The following BRD8 variants were observed in gnomAD, a reference collection of about 807,000 sequenced individuals.
BRD8 encodes the protein bromodomain-containing protein 8.
BRD8 carries 67 observed loss-of-function variants against 143.1 expected under a neutral mutation model. The observed-to-expected ratio is 0.47, with a 90% CI of 0.38 to 0.57. BRD8 has a LOEUF of 0.57. Among genes scored for constraint, BRD8 ranks in the 20% least tolerant of loss-of-function variants. The pLI is 0.00. For missense variants in BRD8, 1,103 were observed against 1,503.0 expected (o/e 0.73, Z 4.40); for synonymous variants, 505 against 517.1 (o/e 0.98, Z 0.32).
At position 138,171,409 on chromosome 5, in the gene BRD8, T is replaced by G; in HGVS notation, c.188A>C (p.His63Pro). 1 of 1,487,190 alleles carries G rather than the reference T, an allele frequency of 6.7e-7. No individual in the cohort carries two copies. The highest frequency in any genetic ancestry group is 8.9e-7 in the Non-Finnish European group (1 of 1,124,316). The allele number at this position is 1,487,190 out of a possible 1,614,324, so 92.1% of individuals were successfully genotyped here. A position where few individuals can be genotyped will look rare whatever the true frequency, so the allele number is the denominator to read the frequency against. The part of the protein sequence containing the change: ...GRPPDWFSQK[H>P]CASQYSELLE... ...AAGCTCCGAGTACTGGGAAGCACAA[T>G]GCTATTAAAAAAAAAAAAAAAAGTG... is the stretch of plus-strand genomic sequence containing the variant. The change falls in exon 4 of 27, where the codon CAT becomes CCT. Residue 63 changes from histidine to proline, a missense_variant and splice_region_variant. Around this residue, in one of 7 missense-constraint regions of BRD8, gnomAD observed 69 missense variants for 121.6 expected, o/e 0.57. Transcript: ENST00000254900.
rs1377968789 is a variant in BRD8, at chr5:138,169,215, T to C, written c.642+7A>G. 6.2e-7 allele frequency: 1 copy of C among 1,612,926 alleles called. No individual in the cohort carries two copies. The highest frequency in any genetic ancestry group is 2.2e-5 in the East Asian group (1 of 44,886). ...TGATCAATTCCCACAGATGGAAATA[T>C]ACTCACCCCAGAGGTAGCCTCTTCC... On this transcript the variant is annotated splice_region_variant and intron_variant, in intron 8 of 26. Transcript: ENST00000254900.
At position 138,170,516 on chromosome 5, in the gene BRD8, G is replaced by A. The variant is rs765143443; in HGVS notation, c.441-107C>T. 3.4e-6 allele frequency: 4 copies of A among 1,184,894 alleles called. No individual in the cohort carries two copies. In the East Asian group the frequency reaches 7.0e-5, roughly 21 times the overall value. The allele number at this position is 1,184,894 out of a possible 1,614,324, so 73.4% of individuals were successfully genotyped here. On this transcript the variant is annotated intron_variant, in intron 6 of 26. Transcript: ENST00000254900. ...TTTGCCAGGCCAGCACTTTCTGGAA[G>A]AAAGGCCTAAACAGGAATTCTAACC...
rs545323587 is a variant in BRD8 at position 138,175,136 on chromosome 5, G to A, written c.116+2435C>T. ...CCTGACCTTGTGATCCGCCCACCTC[G>A]GCCTCCCAAAGTGCTGGGATTACAG... On this transcript the variant is annotated intron_variant, in intron 2 of 26. Coordinates refer to ENST00000254900, the MANE Select transcript of BRD8 (RefSeq NM_139199.2). Among the ~76,000 whole-genome samples the A allele has an allele frequency of 8.9e-4, 135 of 152,112 alleles. 1 individual carries two copies. The highest frequency in any genetic ancestry group is 4.3e-3 in the East Asian group (22 of 5,158).
chr5:138,144,000 C>T (rs1169461958), intron 25 of BRD8, among the ~76,000 whole-genome samples: 1 of 152,214 alleles, frequency 6.6e-6, no homozygotes, highest in African/African-American at 2.4e-5. Flanking sequence ...AATCTTGCTG[C>T]TCCTCACTCT....
chr5:138,149,549 T>G, intron 23 of BRD8, 91 bp downstream of exon 23: 2 of 1,213,026 alleles, frequency 1.6e-6, no homozygotes, highest in Non-Finnish European at 2.2e-6. Flanking sequence ...TCTAATTTTC[T>G]TTAACTTATA....
At chr5:138,154,478 C>T (rs1752494857) in intron 20 of BRD8, among the ~76,000 whole-genome samples, 2 of 152,194 alleles carry the variant, frequency 1.3e-5, no homozygotes, top group Non-Finnish European at 2.9e-5. Flanking sequence ...GTGTTTGTAT[C>T]TCATGCCTGT....
In BRD8 at chr5:138,145,781, A is replaced by C. The variant is rs781238276; in HGVS notation, c.3368+8T>G. 2.5e-6 allele frequency: 4 copies of C among 1,611,396 alleles called. No individual in the cohort carries two copies. Among genetic ancestry groups the C allele is most frequent in the Non-Finnish European group, 3.4e-6 (4 of 1,177,710 alleles). ...GAACATAATCCTATTACCACTTTGGAGACCTACCTGTGACTGGCAATCATC... is the reference window on the plus strand; with the variant it reads ...GAACATAATCCTATTACCACTTTGGCGACCTACCTGTGACTGGCAATCATC... On this transcript the variant is annotated splice_region_variant and intron_variant, in intron 24 of 26. Transcript: ENST00000254900.
chr5:138,150,191 C>T (rs1259691482), intron 22 of BRD8, among the ~76,000 whole-genome samples: 1 of 151,106 alleles, frequency 6.6e-6, no homozygotes, highest in Non-Finnish European at 1.5e-5. Context: ...CATCATGGCT[C>T]ACTGCAGCCT....
At chr5:138,147,809 A>G (rs1187247626) in intron 23 of BRD8, among the ~76,000 whole-genome samples, 1 of 152,080 alleles carries the variant, frequency 6.6e-6, no homozygotes, top group African/African-American at 2.4e-5. Flanking sequence ...GTGGTGGTGC[A>G]CATCTGTGTT....
intron 9 of BRD8, 168 bp from the exon 10 acceptor site, chr5:138,166,895 G>C (rs1038957918): frequency 2.8e-5 from 16 of 572,190 alleles, no homozygotes; most frequent in Admixed American, 1.5e-4. Flanking sequence ...CCTTACTTAA[G>C]ATCTTCCTCC....
chr5:138,144,104 G>A (rs1280268265), intron 25 of BRD8, among the ~76,000 whole-genome samples: 1 of 80,846 alleles, frequency 1.2e-5, no homozygotes, highest in Non-Finnish European at 2.9e-5. Flanking sequence ...CCAACAAGAG[G>A]AATAAACAAC....
chr5:138,162,238 C>T (rs1004983600), intron 15 of BRD8, 92 bp from the exon 16 acceptor site: 6 of 1,019,466 alleles, frequency 5.9e-6, no homozygotes, highest in Non-Finnish European at 8.5e-6. Context: ...CTCACTCTGT[C>T]CCCCAGGCTG....
In BRD8 at chr5:138,164,416, G is replaced by A. The variant is rs867176450; in HGVS notation, c.1732-3C>T. ...GACAACATGCTTTCAGGGGATGCCT[G>A]AAAACCAGAAAAGAAAAAACACCCT... On this transcript the variant is annotated splice_region_variant and splice_polypyrimidine_tract_variant and intron_variant, in intron 12 of 26. Transcript: ENST00000254900. 6.2e-7 allele frequency: 1 copy of A among 1,613,402 alleles called. No homozygotes were observed.
In BRD8 at chr5:138,166,001, C is replaced by G. The variant is rs140553463; in HGVS notation, c.1105G>C (p.Glu369Gln). 1.3e-5 allele frequency: 21 copies of G among 1,614,048 alleles called. No homozygotes were observed. The highest frequency in any genetic ancestry group is 1.4e-5 in the Non-Finnish European group (17 of 1,180,034). The change falls in exon 11 of 27, where the codon GAA becomes CAA. Residue 369 changes from glutamate to glutamine, a missense_variant. Around this residue, in one of 7 missense-constraint regions of BRD8, gnomAD observed 334 missense variants for 372.5 expected, o/e 0.90. Transcript: ENST00000254900. ...EISMIINSIKEECFRSGVAEA... is the reference protein window; with the variant it reads ...EISMIINSIKQECFRSGVAEA... The stretch of plus-strand genomic sequence containing the variant: ...GCTACCCCTGATCGAAAACACTCTT[C>G]TTTGATAGAATTGATGATCATGGAT...
At chr5:138,152,285 C>T (rs999757662) in intron 21 of BRD8, among the ~76,000 whole-genome samples, 197 bp downstream of exon 21, 13 of 152,212 alleles carry the variant, frequency 8.5e-5, no homozygotes, top group African/African-American at 1.2e-4. Flanking sequence ...CCACTGCACC[C>T]GGCCCAAAAA....
chr5:138,175,180 G>A (rs189417131), intron 2 of BRD8, among the ~76,000 whole-genome samples: 248 of 152,176 alleles, frequency 1.6e-3, no homozygotes, highest in Middle Eastern at 6.8e-3. Context: ...CACTGCGCCC[G>A]GCCTTAAACT....
chr5:138,149,179 C>G (rs963081974), intron 23 of BRD8, among the ~76,000 whole-genome samples: 1 of 151,906 alleles, frequency 6.6e-6, no homozygotes, highest in Non-Finnish European at 1.5e-5. Flanking sequence ...GTGGCACAAT[C>G]ATGGCTCACT....
At chr5:138,162,027 A>C in intron 16 of BRD8, 27 bp downstream of exon 16, 1 of 1,594,822 alleles carries the variant, frequency 6.3e-7, no homozygotes, top group Non-Finnish European at 8.6e-7. Context: ...GAGAAAATGA[A>C]CCTACTGACT....
chr5:138,168,531 G>C (rs531449151), intron 8 of BRD8: 3 of 1,609,462 alleles, frequency 1.9e-6, no homozygotes, highest in East Asian at 2.2e-5. Flanking sequence ...CAGAGGGGAG[G>C]GGGGTGGAGT....
Sources: allele counts gnomAD v4.1 joint callset (sites outside exome capture counted in the v4.1 genomes callset), GRCh38; gene constraint gnomAD v4.1.1; regional missense constraint gnomAD v4.1.1; transcripts MANE v1.5; gene names NCBI Gene and HGNC (gene_info 2026-07-23, HGNC 2026-07-21).